The following RAB6B variants were observed in gnomAD, a reference collection of about 807,000 sequenced individuals.
RAB6B encodes the protein ras-related protein Rab-6B.
In RAB6B, 7 loss-of-function variants were observed where a neutral mutation model predicts 31.2. The ratio of observed to expected loss-of-function variants is 0.22; its 90% CI spans 0.13 to 0.42. The LOEUF (loss-of-function observed/expected upper bound fraction) is 0.42. RAB6B is among the 10% of genes least tolerant of loss of function. RAB6B has a pLI of 1.00. For missense variants in RAB6B, 149 were observed against 280.6 expected, an observed-to-expected ratio of 0.53 and a Z score of 3.35; for synonymous variants, 105 against 104.9, an observed-to-expected ratio of 1.00 and a Z score of -0.01.
chr3:133,827,605 T>A lies in RAB6B; in HGVS notation c.*1183A>T. 2.5e-6 allele frequency: 1 copy of A among 401,040 alleles called. No individual in the cohort carries two copies. Among genetic ancestry groups the A allele is most frequent in the East Asian group, 4.9e-5 (1 of 20,286 alleles). The allele number at this position is 401,040 out of a possible 1,614,324, so 24.8% of individuals were successfully genotyped here. ...CGCAGCCACAGTAGCCACAAAGATA[T>A]GTCCACAAAGACTTCAACTGCGCCA... On this transcript the variant is annotated 3_prime_UTR_variant, in exon 8 of 8. Coordinates refer to ENST00000285208, the MANE Select transcript of RAB6B (RefSeq NM_016577.4).
chr3:133,830,332 G>T (rs890955224), intron 7 of RAB6B, among the ~76,000 whole-genome samples: 17 of 152,352 alleles, frequency 1.1e-4, no homozygotes, highest in Admixed American at 7.8e-4. Context: ...CTCTGCTACA[G>T]AAACAAAGTG....
chr3:133,829,951 T>C (rs1193427814), intron 7 of RAB6B, among the ~76,000 whole-genome samples: 1 of 127,966 alleles, frequency 7.8e-6, no homozygotes, highest in African/African-American at 2.5e-5. Flanking sequence ...CATACAACTT[T>C]ATCTTGTGTG....
At chr3:133,889,805 T>G (rs1936612699) in intron 1 of RAB6B, among the ~76,000 whole-genome samples, 1 of 152,174 alleles carries the variant, frequency 6.6e-6, no homozygotes, top group Non-Finnish European at 1.5e-5. Flanking sequence ...ATAATGATCA[T>G]CAGATCATGC....
chr3:133,841,355 C>A lies in RAB6B; in HGVS notation c.219G>T (p.Glu73Asp). Residue 73 changes from glutamate to aspartate, a missense_variant, in exon 4 of 8, where the codon GAG (glutamate) becomes GAT (aspartate). By Grantham distance (45) the Glu-to-Asp change is conservative. This residue lies in a region of RAB6B where 75 missense variants were observed against 180.1 expected (regional missense o/e 0.42). Transcript: ENST00000285208. ...AGCTGGGGATCAGGCTGCGGAACCTCTCCTGACCAGCTGTGTCCCAGAGCT... is the reference window on the plus strand; with the variant it reads ...AGCTGGGGATCAGGCTGCGGAACCTATCCTGACCAGCTGTGTCCCAGAGCT... ...RLQLWDTAGQ[E>D]RFRSLIPSYI... The A allele has an allele frequency of 6.2e-7, 1 of 1,614,182 alleles. No homozygotes were observed.
intron 6 of RAB6B, among the ~76,000 whole-genome samples, chr3:133,836,946 C>T (rs1425852836): frequency 1.3e-5 from 2 of 152,214 alleles, no homozygotes; most frequent in Admixed American, 6.5e-5. Flanking sequence ...ACTGTCCACA[C>T]AGGGCAAACC....
chr3:133,838,115 G>T, intron 6 of RAB6B, 51 bp downstream of exon 6: 1 of 1,540,810 alleles, frequency 6.5e-7, no homozygotes. Context: ...TGACCACAGG[G>T]CTACACCGTG....
chr3:133,890,783 C>A (rs1296769950), intron 1 of RAB6B, among the ~76,000 whole-genome samples: 3 of 152,168 alleles, frequency 2.0e-5, no homozygotes, highest in African/African-American at 4.8e-5. Context: ...ATGACTAAGA[C>A]ATAGACCTCA....
chr3:133,863,759 G>A (rs987823214), intron 2 of RAB6B, among the ~76,000 whole-genome samples: 7 of 152,122 alleles, frequency 4.6e-5, no homozygotes, highest in Admixed American at 4.6e-4. Context: ...GAATCCACTA[G>A]TGTAGAAAAA....
At chr3:133,871,829 G>A (rs1313790025) in intron 1 of RAB6B, among the ~76,000 whole-genome samples, 1 of 152,226 alleles carries the variant, frequency 6.6e-6, no homozygotes, top group Admixed American at 6.5e-5. Context: ...CAGAACCCTG[G>A]CCCACAGTCT....
At chr3:133,848,793 C>T (rs1387106665) in intron 2 of RAB6B, among the ~76,000 whole-genome samples, 1 of 151,946 alleles carries the variant, frequency 6.6e-6, no homozygotes, top group Non-Finnish European at 1.5e-5. Context: ...TCTAGGATCA[C>T]CTCTTAATAC....
chr3:133,868,473 C>A (rs1047953008), intron 1 of RAB6B, among the ~76,000 whole-genome samples: 31 of 152,240 alleles, frequency 2.0e-4, no homozygotes, highest in African/African-American at 7.2e-4. Flanking sequence ...CGGGAGCTGT[C>A]CTCCTGCCAG....
In RAB6B at chr3:133,826,766, T is replaced by A. The variant is rs1195803524; in HGVS notation, c.*2022A>T. 1 of 152,672 alleles carries A rather than the reference T, an allele frequency of 6.5e-6. No homozygotes were observed. The highest frequency in any genetic ancestry group is 1.9e-4 in the East Asian group (1 of 5,202). The allele number at this position is 152,672 out of a possible 1,614,324, so 9.5% of individuals were successfully genotyped here. Reference sequence around the variant, plus strand: ...GATGGCAAGACAATCACAAGTTATTTGACAATATTAAGTATTTCTTATTTC... The same window carrying A: ...GATGGCAAGACAATCACAAGTTATTAGACAATATTAAGTATTTCTTATTTC... On this transcript the variant is annotated 3_prime_UTR_variant, in exon 8 of 8. Coordinates refer to ENST00000285208, the MANE Select transcript of RAB6B (RefSeq NM_016577.4).
At chr3:133,833,106 T>A (rs984532856) in intron 7 of RAB6B, among the ~76,000 whole-genome samples, 6 of 152,188 alleles carry the variant, frequency 3.9e-5, no homozygotes, top group African/African-American at 1.4e-4. Context: ...CTGCACCTTG[T>A]CTGCCCCTCT....
intron 1 of RAB6B, among the ~76,000 whole-genome samples, chr3:133,891,642 T>C (rs1418479361): frequency 6.6e-6 from 1 of 151,960 alleles, no homozygotes; most frequent in Admixed American, 6.6e-5. Flanking sequence ...AATAAATAAA[T>C]AAACAGATAA....
At chr3:133,885,762 T>C (rs1207670460) in intron 1 of RAB6B, 4 of 608,038 alleles carry the variant, frequency 6.6e-6, no homozygotes, top group Admixed American at 2.8e-5. Flanking sequence ...GTCCCTCCCC[T>C]ACAATCCTTC....
chr3:133,876,155 CTG>C (rs1348511469), intron 1 of RAB6B, among the ~76,000 whole-genome samples: 1 of 152,178 alleles, frequency 6.6e-6, no homozygotes, highest in African/African-American at 2.4e-5. Context: ...AGGCAAATAA[CTG>C]AGGCTTCTCC....
chr3:133,830,411 T>C (rs1271932105), intron 7 of RAB6B, among the ~76,000 whole-genome samples: 2 of 152,214 alleles, frequency 1.3e-5, no homozygotes, highest in South Asian at 2.1e-4. Context: ...CTGTTGACGC[T>C]AGCTTATCCC....
chr3:133,865,085 C>T (rs552362481), intron 1 of RAB6B, among the ~76,000 whole-genome samples: 2 of 152,348 alleles, frequency 1.3e-5, no homozygotes, highest in African/African-American at 2.4e-5. Context: ...GTTAATTCAG[C>T]CTGAAGATTG....
intron 1 of RAB6B, among the ~76,000 whole-genome samples, chr3:133,865,360 A>G (rs1936222818): frequency 6.6e-6 from 1 of 152,238 alleles, no homozygotes; most frequent in Admixed American, 6.5e-5. Context: ...AGAAAACAGG[A>G]CGTCTCTTGG....
Sources: gnomAD v4.1 joint callset for allele counts (sites outside exome capture counted in the v4.1 genomes callset) on GRCh38, gnomAD v4.1.1 for gene constraint, gnomAD v4.1.1 regional missense constraint, MANE v1.5 for transcripts, NCBI Gene and HGNC (gene_info 2026-07-23, HGNC 2026-07-21) for gene names.